The following MSI2 variants were observed in gnomAD, a reference collection of about 807,000 sequenced individuals.
The protein encoded by MSI2 is RNA-binding protein Musashi homolog 2.
In MSI2, 17 loss-of-function variants were observed where a neutral mutation model predicts 45.6. That is an observed-to-expected ratio of 0.37 (90% confidence interval 0.26 to 0.56). The LOEUF (loss-of-function observed/expected upper bound fraction) is 0.56. Among genes scored for constraint, MSI2 ranks in the 20% least tolerant of loss-of-function variants. The pLI, the probability that MSI2 is intolerant of heterozygous loss-of-function variation, is 0.77. For synonymous variants in MSI2, 156 were observed against 158.2 expected, an observed-to-expected ratio of 0.99 and a Z score of 0.11; for missense variants, 293 against 444.2, an observed-to-expected ratio of 0.66 and a Z score of 3.06.
intron 13 of MSI2, among the ~76,000 whole-genome samples, chr17:57,678,083 T>G (rs1913359399): frequency 6.6e-6 from 1 of 152,180 alleles, no homozygotes; most frequent in Admixed American, 6.5e-5. Context: ...GAAGCAAGGC[T>G]GGAGATGAAC....
At position 57,659,008 on chromosome 17, in the gene MSI2, G is replaced by A. The variant is rs541204307; in HGVS notation, c.790+6847G>A. On this transcript the variant is annotated intron_variant, in intron 11 of 13. Transcript: ENST00000284073. ...AGAACCATCCAAGGAGCATGTGCCC[G>A]GGTGTATCATTCATGGTTGCTTGTG... is the stretch of plus-strand genomic sequence containing the variant. Among the ~76,000 whole-genome samples, 127 of 152,228 alleles carry A rather than the reference G, an allele frequency of 8.3e-4. 2 individuals are homozygous for A. The highest frequency in any genetic ancestry group is 2.9e-3 in the African/African-American group (119 of 41,536).
At chr17:57,334,016 T>G (rs1914493570) in intron 5 of MSI2, among the ~76,000 whole-genome samples, 1 of 152,186 alleles carries the variant, frequency 6.6e-6, no homozygotes, top group Non-Finnish European at 1.5e-5. Flanking sequence ...GTGATCCGTT[T>G]CACTCCATTG....
At chr17:57,645,802 C>T (rs140628057) in intron 10 of MSI2, among the ~76,000 whole-genome samples, 36 of 152,174 alleles carry the variant, frequency 2.4e-4, no homozygotes, top group African/African-American at 8.4e-4. Context: ...GGGTGGGACC[C>T]AAAAATCAGC....
At chr17:57,630,785 C>G (rs955101661) in intron 10 of MSI2, 8 of 152,296 alleles carry the variant, frequency 5.3e-5, no homozygotes, top group African/African-American at 1.9e-4. Flanking sequence ...AACTTGATGA[C>G]TCCTGGAGCC....
chr17:57,537,594 G>T (rs1341688576), intron 7 of MSI2, among the ~76,000 whole-genome samples: 4 of 152,180 alleles, frequency 2.6e-5, no homozygotes, highest in Non-Finnish European at 5.9e-5. Context: ...TGGCAACATC[G>T]ATCCAAGACC....
chr17:57,615,111 A>G (rs1004276962), intron 8 of MSI2, among the ~76,000 whole-genome samples: 4 of 148,084 alleles, frequency 2.7e-5, no homozygotes, highest in African/African-American at 5.0e-5. Context: ...GGCTTTCAGC[A>G]TGTTGCACAA....
At chr17:57,334,964 C>T (rs1193811053) in intron 5 of MSI2, among the ~76,000 whole-genome samples, 1 of 150,342 alleles carries the variant, frequency 6.7e-6, no homozygotes, top group Non-Finnish European at 1.5e-5. Flanking sequence ...TTTTTTTAAC[C>T]GTGCCCTGTA....
intron 6 of MSI2, among the ~76,000 whole-genome samples, chr17:57,497,700 A>G (rs973819488): frequency 1.3e-5 from 2 of 152,150 alleles, no homozygotes; most frequent in African/African-American, 4.8e-5. Context: ...GCGCCACCCC[A>G]AGACAACTGA....
rs1309700150 is a variant in MSI2 at position 57,407,269 on chromosome 17, A to G, written c.405+5798A>G. 3.3e-5 allele frequency among the ~76,000 whole-genome samples: 5 copies of G among 152,132 alleles called. No homozygotes were observed. The highest frequency in any genetic ancestry group is 5.9e-5 in the Non-Finnish European group (4 of 68,012). ...AAGCGCTGGGTGCCTGCGATCTCCCAGCTCCGGGGTTTTCTGTGCAGGTGC... is the reference window on the plus strand; with the variant it reads ...AAGCGCTGGGTGCCTGCGATCTCCCGGCTCCGGGGTTTTCTGTGCAGGTGC... On this transcript the variant is annotated intron_variant, in intron 6 of 13. Coordinates refer to ENST00000284073, the MANE Select transcript of MSI2 (RefSeq NM_138962.4). This position sits in a 1 kb window ranked among gnomAD's most constrained non-coding sequence, Gnocchi z 4.1.
chr17:57,562,308 A>G lies in MSI2; in HGVS notation c.454+32584A>G, dbSNP rs190894838. On this transcript the variant is annotated intron_variant, in intron 7 of 13. Transcript: ENST00000284073. Reference sequence around the variant, plus strand: ...CCAAGAAGCTTATGTGTCTAGAGACATTTCTAAGACCGTACTTCCCAGGCC... The same window carrying G: ...CCAAGAAGCTTATGTGTCTAGAGACGTTTCTAAGACCGTACTTCCCAGGCC... 9.8e-4 allele frequency among the ~76,000 whole-genome samples: 149 copies of G among 152,340 alleles called. 1 individual carries two copies. The highest frequency in any genetic ancestry group is 3.4e-3 in the African/African-American group (140 of 41,582).
In MSI2 at chr17:57,407,208, C is replaced by T. The variant is rs1204776869; in HGVS notation, c.405+5737C>T. Among the ~76,000 whole-genome samples the T allele has an allele frequency of 6.6e-6, 1 of 152,062 alleles. No homozygotes were observed. The highest frequency in any genetic ancestry group is 1.5e-5 in the Non-Finnish European group (1 of 68,012). ...TAATGAGACCTTCCCGTTTATCCGG[C>T]CAGCGTGGGCGATTGTGGGTGAGTG... On this transcript the variant is annotated intron_variant, in intron 6 of 13. Coordinates refer to ENST00000284073, the MANE Select transcript of MSI2 (RefSeq NM_138962.4). The surrounding 1 kb of genome is among the most constrained non-coding windows in gnomAD (Gnocchi z 4.1).
chr17:57,649,500 AAC>A lies in MSI2; in HGVS notation c.728-2593_728-2592del, dbSNP rs549892592. ...ACACCCAACACACATACACCCAACA[AAC>A]ACACATTACACACATACACCTGACA... On this transcript the variant is annotated intron_variant, in intron 10 of 13. Coordinates refer to ENST00000284073, the MANE Select transcript of MSI2 (RefSeq NM_138962.4). Among the ~76,000 whole-genome samples the A allele has an allele frequency of 1.1e-4, 17 of 151,956 alleles. No individual in the cohort carries two copies. In the South Asian group the frequency reaches 3.5e-3, roughly 32 times the overall value.
intron 12 of MSI2, among the ~76,000 whole-genome samples, chr17:57,675,578 C>T (rs1048530576): frequency 6.6e-6 from 1 of 152,146 alleles, no homozygotes; most frequent in African/African-American, 2.4e-5. Flanking sequence ...TGGGCTGGGA[C>T]CTGAGAGCTG....
At chr17:57,646,643 G>A (rs111764741) in intron 10 of MSI2, among the ~76,000 whole-genome samples, 79 of 152,348 alleles carry the variant, frequency 5.2e-4, no homozygotes, top group African/African-American at 1.9e-3. Flanking sequence ...CAGGGCTGAA[G>A]GCTGGGCTTT....
chr17:57,373,746 G>A (rs1219376864), intron 5 of MSI2, among the ~76,000 whole-genome samples: 6 of 152,198 alleles, frequency 3.9e-5, no homozygotes, highest in Non-Finnish European at 7.3e-5. Flanking sequence ...GGCCTCCATG[G>A]CTGCCACTGT....
intron 6 of MSI2, among the ~76,000 whole-genome samples, chr17:57,430,848 G>A (rs1194835266): frequency 6.6e-6 from 1 of 152,180 alleles, no homozygotes; most frequent in Non-Finnish European, 1.5e-5. Context: ...CAGAGCATAG[G>A]GGGTCCTCTG....
chr17:57,420,290 G>A (rs1349342415), intron 6 of MSI2, among the ~76,000 whole-genome samples: 5 of 152,202 alleles, frequency 3.3e-5, no homozygotes, highest in South Asian at 2.1e-4. Context: ...AGCGACTGAC[G>A]TTCGGGGCAG....
intron 5 of MSI2, among the ~76,000 whole-genome samples, chr17:57,385,376 A>G (rs775053956): frequency 3.9e-5 from 6 of 152,214 alleles, no homozygotes; most frequent in Non-Finnish European, 7.3e-5. Flanking sequence ...GCCTGAAACA[A>G]GCAATGATAT....
intron 6 of MSI2, among the ~76,000 whole-genome samples, chr17:57,468,835 T>C (rs2085380588): frequency 6.6e-6 from 1 of 152,112 alleles, no homozygotes; most frequent in East Asian, 1.9e-4. Flanking sequence ...GCTGGGGAGA[T>C]GCTGTAGGGG....
Sources: allele counts gnomAD v4.1 joint callset (sites outside exome capture counted in the v4.1 genomes callset), GRCh38; gene constraint gnomAD v4.1.1; non-coding constraint Gnocchi (gnomAD v3.1); transcripts MANE v1.5; gene names NCBI Gene and HGNC (gene_info 2026-07-23, HGNC 2026-07-21).